ABCC11: variants seen among roughly 807,000 people sequenced by gnomAD.
The protein encoded by ABCC11 is ATP-binding cassette sub-family C member 11.
In ABCC11, 135 loss-of-function variants were observed where a neutral mutation model predicts 149.3. The ratio of observed to expected loss-of-function variants is 0.90; its 90% CI spans 0.79 to 1.04. The LOEUF is 1.04. ABCC11 is among the 50% of genes least tolerant of loss of function. ABCC11 has a pLI of 0.00. For missense variants in ABCC11, 1,680 were observed against 1,722.1 expected, an observed-to-expected ratio of 0.98 and a Z score of 0.43; for synonymous variants, 665 against 671.4, an observed-to-expected ratio of 0.99 and a Z score of 0.15.
intron 28 of ABCC11, 91 bp downstream of exon 28, chr16:48,170,014 C>A: frequency 1.1e-6 from 1 of 929,316 alleles, no homozygotes; most frequent in Non-Finnish European, 1.7e-6. Context: ...CCCAGTGTCC[C>A]ACGGTAGTGA....
chr16:48,231,684 A>C, intron 2 of ABCC11, 139 bp downstream of exon 2: 1 of 1,126,166 alleles, frequency 8.9e-7, no homozygotes, highest in Non-Finnish European at 1.2e-6. Flanking sequence ...AAAGAGAGAG[A>C]GAGAGAGCAA....
rs1596780896 is a variant in ABCC11 at position 48,210,753 on chromosome 16, A to G, written c.1608+195T>C. On this transcript the variant is annotated intron_variant, in intron 11 of 29. Transcript: ENST00000356608. Reference sequence around the variant, plus strand: ...CTTACCTAAGCCAAAAAAATTTTAAATGATAGATTAATTCACATTAAAAAA... The same window carrying G: ...CTTACCTAAGCCAAAAAAATTTTAAGTGATAGATTAATTCACATTAAAAAA... 3.6e-6 allele frequency: 3 copies of G among 823,178 alleles called. No homozygotes were observed. The East Asian group carries it at 8.1e-5, about 22-fold the overall frequency. The allele number at this position is 823,178 out of a possible 1,614,324, so 51.0% of individuals were successfully genotyped here. A position where few individuals can be genotyped will look rare whatever the true frequency, so the allele number is the denominator to read the frequency against.
chr16:48,235,195 G>A (rs1047118209), intron 1 of ABCC11: 2 of 151,328 alleles, frequency 1.3e-5, no homozygotes, highest in Admixed American at 6.6e-5. Context: ...GAGAGGTAAC[G>A]AAGGTTTCAC....
chr16:48,174,776 C>T lies in ABCC11; in HGVS notation c.3698+482G>A, dbSNP rs530721113. Among the ~76,000 whole-genome samples the T allele has an allele frequency of 1.1e-4, 16 of 152,276 alleles. No individual in the cohort carries two copies. The East Asian group carries it at 3.1e-3, about 29-fold the overall frequency. Reference sequence around the variant, plus strand: ...TGCTTAATGGTGTAGTGAAATCTGACCAATCCCATCAGGGTTTTGTTTCTG... The same window carrying T: ...TGCTTAATGGTGTAGTGAAATCTGATCAATCCCATCAGGGTTTTGTTTCTG... On this transcript the variant is annotated intron_variant, in intron 26 of 29. Transcript: ENST00000356608.
chr16:48,238,312 G>C (rs572135591), intron 1 of ABCC11, among the ~76,000 whole-genome samples: 1 of 152,112 alleles, frequency 6.6e-6, no homozygotes, highest in Admixed American at 6.5e-5. Context: ...ACACAGTTCT[G>C]TCTGCCCTAC....
At chr16:48,187,892 C>A (rs1354129946) in intron 20 of ABCC11, among the ~76,000 whole-genome samples, 1 of 152,044 alleles carries the variant, frequency 6.6e-6, no homozygotes, top group Non-Finnish European at 1.5e-5. Context: ...GGTTTGAACG[C>A]CAGACCAAAT....
intron 20 of ABCC11, among the ~76,000 whole-genome samples, chr16:48,188,306 C>A (rs1260084473): frequency 6.6e-6 from 1 of 152,188 alleles, no homozygotes; most frequent in Non-Finnish European, 1.5e-5. Flanking sequence ...AAGCCAAGAA[C>A]CCTCATGGAC....
At chr16:48,228,601 GA>G (rs111350474) in intron 3 of ABCC11, among the ~76,000 whole-genome samples, 6 of 145,128 alleles carry the variant, frequency 4.1e-5, no homozygotes, top group South Asian at 2.2e-4. Context: ...CGTCTCAAAA[GA>G]AAAAAAAAAC....
chr16:48,210,019 T>G (rs1477407216), intron 11 of ABCC11: 1 of 151,864 alleles, frequency 6.6e-6, no homozygotes, highest in South Asian at 2.1e-4. Flanking sequence ...TTGGGGCAGA[T>G]GTGGAAGTCA....
At chr16:48,193,837 C>A in intron 19 of ABCC11, 42 bp downstream of exon 19, 1 of 1,539,438 alleles carries the variant, frequency 6.5e-7, no homozygotes, top group South Asian at 1.1e-5. Flanking sequence ...CCACCTCACT[C>A]AAGCCCATAG....
intron 6 of ABCC11, among the ~76,000 whole-genome samples, chr16:48,219,365 T>C (rs113910917): frequency 3.3e-4 from 51 of 152,274 alleles, no homozygotes; most frequent in African/African-American, 8.9e-4. Flanking sequence ...GAGATGGGAT[T>C]TCGCTCTGTT....
At chr16:48,221,221 G>A (rs1969713771) in intron 6 of ABCC11, among the ~76,000 whole-genome samples, 1 of 152,126 alleles carries the variant, frequency 6.6e-6, no homozygotes, top group Admixed American at 6.6e-5. Flanking sequence ...GATCACAAAG[G>A]GGGTTGGCTT....
intron 23 of ABCC11, among the ~76,000 whole-genome samples, chr16:48,178,927 C>T (rs142293542): frequency 3.1e-3 from 465 of 152,288 alleles, no homozygotes; most frequent in Non-Finnish European, 4.5e-3. Context: ...ACCTCGAGTG[C>T]CCTCTGTATG....
intron 6 of ABCC11, among the ~76,000 whole-genome samples, chr16:48,217,864 A>G (rs1338991738): frequency 6.6e-6 from 1 of 151,892 alleles, no homozygotes; most frequent in Non-Finnish European, 1.5e-5. Context: ...ACAAAACTCT[A>G]TGATCTGGCA....
At chr16:48,177,441 G>T (rs1186716972) in intron 24 of ABCC11, among the ~76,000 whole-genome samples, 1 of 152,268 alleles carries the variant, frequency 6.6e-6, no homozygotes, top group East Asian at 1.9e-4. Flanking sequence ...CCCCCTTCGG[G>T]GGGGTTCATA....
At chr16:48,223,323 G>A (rs1969869876) in intron 5 of ABCC11, among the ~76,000 whole-genome samples, 1 of 152,146 alleles carries the variant, frequency 6.6e-6, no homozygotes, top group Non-Finnish European at 1.5e-5. Context: ...GCCGCCTGGG[G>A]AATATGTATC....
chr16:48,170,936 C>T lies in ABCC11; in HGVS notation c.3730G>A (p.Asp1244Asn), dbSNP rs1965678458. 6.2e-7 allele frequency: 1 copy of T among 1,613,904 alleles called. No homozygotes were observed. Among genetic ancestry groups the T allele is most frequent in the Admixed American group, 1.7e-5 (1 of 60,004 alleles). ...TCCAAGGCATCCCAGATCTGCTGGTCAGTGTGACGGTCAAAGGGATCTAGG... is the reference window on the plus strand; with the variant it reads ...TCCAAGGCATCCCAGATCTGCTGGTTAGTGTGACGGTCAAAGGGATCTAGG... ...FNLDPFDRHT[D>N]QQIWDALERT... The change falls in exon 27 of 30, where the codon GAC (aspartate) becomes AAC (asparagine). Residue 1244 changes from aspartate (D) to asparagine (N), a missense_variant. Asp to Asn is a conservative substitution (Grantham distance 23). Coordinates refer to ENST00000356608, the MANE Select transcript of ABCC11 (RefSeq NM_001370497.1).
intron 18 of ABCC11, among the ~76,000 whole-genome samples, chr16:48,195,546 A>G (rs138042258): frequency 4.9e-4 from 75 of 152,334 alleles, no homozygotes; most frequent in African/African-American, 1.7e-3. Context: ...TTACTCTCAA[A>G]AATCTCTTAA....
intron 25 of ABCC11, 55 bp downstream of exon 25, chr16:48,176,869 G>A (rs1966108867): frequency 6.4e-7 from 1 of 1,565,042 alleles, no homozygotes; most frequent in Non-Finnish European, 8.7e-7. Context: ...AATAGGTCTA[G>A]TGCCCAAAGG....
Sources: allele counts gnomAD v4.1 joint callset (sites outside exome capture counted in the v4.1 genomes callset), GRCh38; gene constraint gnomAD v4.1.1; transcripts MANE v1.5; gene names NCBI Gene and HGNC (gene_info 2026-07-23, HGNC 2026-07-21).